The following CDH8 variants were observed in gnomAD, a reference collection of about 807,000 sequenced individuals.
CDH8 encodes the protein cadherin-8.
A neutral mutation model predicts 68.1 loss-of-function variants in CDH8; 17 were observed. That is an observed-to-expected ratio of 0.25 (90% CI 0.17 to 0.37). The LOEUF (loss-of-function observed/expected upper bound fraction) is 0.37. Among genes scored for constraint, CDH8 ranks in the 10% least tolerant of loss-of-function variants. The pLI, the probability that CDH8 is intolerant of heterozygous loss-of-function variation, is 1.00. For synonymous variants in CDH8, 372 were observed against 365.1 expected (o/e 1.02, Z -0.21); for missense variants, 763 against 999.3 (o/e 0.76, Z 3.19).
intron 2 of CDH8, among the ~76,000 whole-genome samples, chr16:62,012,624 A>C (rs1429239496): frequency 3.3e-5 from 5 of 152,222 alleles, no homozygotes; most frequent in Non-Finnish European, 5.9e-5. Context: ...TAAGTTTTAC[A>C]TTTTAATAAA....
intron 2 of CDH8, among the ~76,000 whole-genome samples, chr16:62,017,685 C>T (rs577649151): frequency 6.6e-6 from 1 of 152,208 alleles, no homozygotes; most frequent in Non-Finnish European, 1.5e-5. Flanking sequence ...AAAAAGAAAC[C>T]AATATATTTG....
intron 8 of CDH8, among the ~76,000 whole-genome samples, chr16:61,754,137 G>T (rs1013037610): frequency 6.6e-6 from 1 of 151,926 alleles, no homozygotes; most frequent in African/African-American, 2.4e-5. Context: ...CCTTTCTAAC[G>T]TCCTTCAGCT....
intron 4 of CDH8, among the ~76,000 whole-genome samples, chr16:61,841,431 G>T (rs1962681292): frequency 6.6e-6 from 1 of 152,106 alleles, no homozygotes; most frequent in African/African-American, 2.4e-5. Context: ...GGCACAGAAA[G>T]ACAAACATCA....
chr16:61,766,921 A>C (rs1331841433), intron 8 of CDH8, among the ~76,000 whole-genome samples: 1 of 151,992 alleles, frequency 6.6e-6, no homozygotes, highest in African/African-American at 2.4e-5. Context: ...ATGCAGGACT[A>C]ACCTTTGAGC....
At chr16:61,706,620 CAAAAAAAAAAA>C (rs781148249) in intron 10 of CDH8, among the ~76,000 whole-genome samples, 4 of 60,402 alleles carry the variant, frequency 6.6e-5, no homozygotes, top group Non-Finnish European at 1.2e-4. Context: ...GACTCTGTCT[CAAAAAAAAAAA>C]AAAAAAAAAA....
chr16:61,776,960 T>G (rs902003648), intron 8 of CDH8, among the ~76,000 whole-genome samples: 1 of 151,904 alleles, frequency 6.6e-6, no homozygotes, highest in Non-Finnish European at 1.5e-5. Context: ...AAATAAAAAT[T>G]TAAACACATT....
intron 9 of CDH8, among the ~76,000 whole-genome samples, chr16:61,718,357 A>C (rs1316380330): frequency 1.3e-5 from 2 of 151,432 alleles, no homozygotes; most frequent in African/African-American, 4.8e-5. Context: ...AATATTTTCC[A>C]AGGCTTCTAG....
intron 2 of CDH8, among the ~76,000 whole-genome samples, chr16:61,919,946 C>T (rs1964329566): frequency 6.6e-6 from 1 of 152,092 alleles, no homozygotes. Context: ...AGAAATAATG[C>T]CGCATATCTA....
chr16:61,875,343 A>G (rs1963440672), intron 3 of CDH8, among the ~76,000 whole-genome samples: 1 of 152,132 alleles, frequency 6.6e-6, no homozygotes, highest in Admixed American at 6.5e-5. Flanking sequence ...GTGGTTTTCC[A>G]AGTATGGTCT....
At chr16:61,891,209 T>C (rs907600713) in intron 3 of CDH8, among the ~76,000 whole-genome samples, 7 of 152,118 alleles carry the variant, frequency 4.6e-5, no homozygotes, top group African/African-American at 1.4e-4. Context: ...AATTGGTTAA[T>C]TGTATTTTTC....
intron 10 of CDH8, among the ~76,000 whole-genome samples, chr16:61,690,667 C>T (rs1281497306): frequency 6.6e-6 from 1 of 151,742 alleles, no homozygotes; most frequent in East Asian, 1.9e-4. Context: ...TGTTTATTTT[C>T]TTTTTCCTGT....
At chr16:61,693,288 T>A (rs1964268502) in intron 10 of CDH8, 1 of 152,078 alleles carries the variant, frequency 6.6e-6, no homozygotes, top group South Asian at 2.1e-4. Flanking sequence ...ATGGAGCAAA[T>A]CTAGTCTGCC....
chr16:61,957,450 A>G (rs1965005636), intron 2 of CDH8, among the ~76,000 whole-genome samples: 1 of 152,224 alleles, frequency 6.6e-6, no homozygotes, highest in South Asian at 2.1e-4. Flanking sequence ...TTTGTATGAA[A>G]AAGAACACTA....
chr16:61,769,493 C>T (rs1238244926), intron 8 of CDH8, among the ~76,000 whole-genome samples: 2 of 151,538 alleles, frequency 1.3e-5, no homozygotes, highest in African/African-American at 2.4e-5. Context: ...TAAATCTGTG[C>T]TCTTCACTAT....
intron 10 of CDH8, among the ~76,000 whole-genome samples, chr16:61,669,252 T>A (rs1001983431): frequency 2.6e-5 from 4 of 152,082 alleles, no homozygotes; most frequent in African/African-American, 9.7e-5. Flanking sequence ...TCTTAAATTC[T>A]TTCAAGTCTA....
chr16:61,833,960 A>G (rs1962514829), intron 4 of CDH8, among the ~76,000 whole-genome samples: 1 of 151,848 alleles, frequency 6.6e-6, no homozygotes, highest in African/African-American at 2.4e-5. Context: ...CTGTCCTGCT[A>G]GCAAAGTAAT....
intron 8 of CDH8, among the ~76,000 whole-genome samples, chr16:61,788,918 T>C (rs553282538): frequency 7.9e-5 from 12 of 152,180 alleles, no homozygotes; most frequent in African/African-American, 2.9e-4. Flanking sequence ...AAAGCTTCCA[T>C]CTATATTTTC....
chr16:61,800,798 C>A (rs1377970959), intron 7 of CDH8, among the ~76,000 whole-genome samples: 1 of 142,642 alleles, frequency 7.0e-6, no homozygotes, highest in African/African-American at 2.7e-5. Flanking sequence ...TTTTCCTCTG[C>A]AACATTAAGT....
intron 2 of CDH8, among the ~76,000 whole-genome samples, chr16:61,963,345 TACA>T (rs1567548032): frequency 1.3e-5 from 2 of 152,362 alleles, no homozygotes; most frequent in African/African-American, 2.4e-5. Context: ...CCATTCCATC[TACA>T]ACATTTTTAC....
Sources: allele counts gnomAD v4.1 joint callset (sites outside exome capture counted in the v4.1 genomes callset), GRCh38; gene constraint gnomAD v4.1.1; transcripts MANE v1.5; gene names NCBI Gene and HGNC (gene_info 2026-07-23, HGNC 2026-07-21).